The following PSPC1 variants were observed in gnomAD, a reference collection of about 807,000 sequenced individuals.
The protein encoded by PSPC1 is paraspeckle protein 1.
A neutral mutation model predicts 51.6 loss-of-function variants in PSPC1; 14 were observed. The ratio of observed to expected loss-of-function variants is 0.27; its 90% CI spans 0.18 to 0.42. PSPC1 has a LOEUF of 0.42. PSPC1 is among the 10% of genes least tolerant of loss of function. PSPC1 has a pLI of 1.00. For missense variants in PSPC1, 406 were observed against 701.1 expected, an observed-to-expected ratio of 0.58 and a Z score of 4.75; for synonymous variants, 193 against 231.9, an observed-to-expected ratio of 0.83 and a Z score of 1.53.
intron 6 of PSPC1, among the ~76,000 whole-genome samples, chr13:19,684,234 A>G (rs569919024): frequency 4.6e-5 from 7 of 152,342 alleles, no homozygotes; most frequent in African/African-American, 1.7e-4. Flanking sequence ...AGAAAAAACA[A>G]AACAAAAACA....
At chr13:19,717,083 T>C (rs1315779621) in intron 6 of PSPC1, among the ~76,000 whole-genome samples, 1 of 151,346 alleles carries the variant, frequency 6.6e-6, no homozygotes, top group Admixed American at 6.6e-5. Flanking sequence ...AAGAAAATCG[T>C]TAGGAGCCAG....
intron 6 of PSPC1, among the ~76,000 whole-genome samples, chr13:19,682,486 C>CAAAAAAAAAAA (rs138769031): frequency 1.0e-5 from 1 of 98,630 alleles, no homozygotes; most frequent in Non-Finnish European, 2.0e-5. Flanking sequence ...GGCTGAATGG[C>CAAAAAAAAAAA]AAAAAAAAAA....
At chr13:19,740,717 G>C (rs1439634779) in intron 5 of PSPC1, among the ~76,000 whole-genome samples, 1 of 152,082 alleles carries the variant, frequency 6.6e-6, no homozygotes, top group Non-Finnish European at 1.5e-5. Context: ...CAGGCACAAG[G>C]TGAGCTATCA....
chr13:19,692,225 G>A (rs1257116688), intron 6 of PSPC1, among the ~76,000 whole-genome samples: 1 of 152,124 alleles, frequency 6.6e-6, no homozygotes, highest in Non-Finnish European at 1.5e-5. Context: ...CCAGGTTCAA[G>A]CGATTCTCCT....
At chr13:19,751,228 A>G (rs757205912) in intron 4 of PSPC1, 43 bp downstream of exon 4, 29 of 1,235,100 alleles carry the variant, frequency 2.3e-5, no homozygotes, top group African/African-American at 4.6e-5. Context: ...CACTTAAGGG[A>G]AAAAAAAAAT....
intron 7 of PSPC1, among the ~76,000 whole-genome samples, chr13:19,706,268 TGA>T (rs1318965273): frequency 6.6e-6 from 1 of 151,952 alleles, no homozygotes; most frequent in Non-Finnish European, 1.5e-5. Flanking sequence ...TGCTAAGTTG[TGA>T]GAGAGGAAAT....
intron 6 of PSPC1, among the ~76,000 whole-genome samples, chr13:19,717,332 G>A (rs1439212529): frequency 6.6e-6 from 1 of 151,970 alleles, no homozygotes; most frequent in Non-Finnish European, 1.5e-5. Context: ...ATGGGAGGCT[G>A]AGGCAGGCAG....
intron 1 of PSPC1, among the ~76,000 whole-genome samples, chr13:19,774,471 C>T (rs913091778): frequency 2.0e-5 from 3 of 152,120 alleles, no homozygotes; most frequent in African/African-American, 2.4e-5. Flanking sequence ...ATATAGTCAT[C>T]CCTCTGTATC....
At position 19,727,937 on chromosome 13, in the gene PSPC1, T is replaced by G. The variant is rs566267262; in HGVS notation, c.1158+2302A>C. Among the ~76,000 whole-genome samples the G allele has an allele frequency of 2.0e-5, 3 of 152,340 alleles. No homozygotes were observed. In the South Asian group the frequency reaches 6.2e-4, roughly 32 times the overall value. On this transcript the variant is annotated intron_variant, in intron 6 of 8. Coordinates refer to ENST00000338910, the MANE Select transcript of PSPC1 (RefSeq NM_001354909.2). ...TGTATACATTCTTAAGGCAGTTGAA[T>G]GTTATCCTAAATGAGTAAAAAATGT...
intron 6 of PSPC1, among the ~76,000 whole-genome samples, chr13:19,684,245 G>T (rs1163762872): frequency 6.6e-6 from 1 of 152,072 alleles, no homozygotes; most frequent in Non-Finnish European, 1.5e-5. Context: ...AACAAAAACA[G>T]TCAAGAAAAA....
intron 7 of PSPC1, among the ~76,000 whole-genome samples, chr13:19,677,345 T>C (rs1026890784): frequency 1.3e-5 from 2 of 152,328 alleles, no homozygotes; most frequent in South Asian, 2.1e-4. Flanking sequence ...AGACCTTTTT[T>C]TTCTCTCTCC....
chr13:19,717,476 C>T (rs889635823), intron 6 of PSPC1, among the ~76,000 whole-genome samples: 1 of 151,774 alleles, frequency 6.6e-6, no homozygotes. Context: ...GAGGCCGAAG[C>T]GGGCAGATCA....
chr13:19,694,048 G>A (rs1000129313), intron 6 of PSPC1, among the ~76,000 whole-genome samples: 23 of 141,842 alleles, frequency 1.6e-4, no homozygotes, highest in African/African-American at 3.6e-4. Context: ...GCGTGAACCC[G>A]GGAGGCGGAG....
exon 8 of PSPC1, chr13:19,674,823 C>CTTCTT (rs201851298): frequency 6.6e-6 from 1 of 152,226 alleles, no homozygotes; most frequent in African/African-American, 2.4e-5. Context: ...AAGTTTTAGA[C>CTTCTT]TTATCCCAAA....
chr13:19,694,930 AG>A (rs1359191822), intron 6 of PSPC1, among the ~76,000 whole-genome samples: 7 of 152,240 alleles, frequency 4.6e-5, no homozygotes, highest in African/African-American at 1.7e-4. Flanking sequence ...CTACATGGTA[AG>A]ATATTATTTG....
intron 5 of PSPC1, among the ~76,000 whole-genome samples, chr13:19,738,532 C>T (rs1439078928): frequency 6.6e-6 from 1 of 152,206 alleles, no homozygotes; most frequent in Non-Finnish European, 1.5e-5. Context: ...CTCCTACACA[C>T]TTAAAAGCAT....
chr13:19,696,312 A>G (rs1228800100), intron 6 of PSPC1, among the ~76,000 whole-genome samples: 2 of 152,164 alleles, frequency 1.3e-5, no homozygotes, highest in South Asian at 2.1e-4. Flanking sequence ...ATCAAAGTCA[A>G]TGTTATAGAA....
intron 6 of PSPC1, among the ~76,000 whole-genome samples, chr13:19,697,166 T>A (rs1025072895): frequency 5.9e-5 from 9 of 151,924 alleles, no homozygotes; most frequent in Non-Finnish European, 1.2e-4. Flanking sequence ...CTCAAAGGGG[T>A]TCTTACCAAC....
rs190032120 is a variant in PSPC1 at position 19,725,099 on chromosome 13, C to T, written c.1158+5140G>A. ...GGCTGAGGCAGGAGAAACACTTGCA[C>T]CTGGGAGGCAGAGGTTGCAGTGAGC... On this transcript the variant is annotated intron_variant, in intron 6 of 8. Coordinates refer to ENST00000338910, the MANE Select transcript of PSPC1 (RefSeq NM_001354909.2). Among the ~76,000 whole-genome samples, 649 of 152,270 alleles carry T rather than the reference C, an allele frequency of 4.3e-3. 12 individuals carry two copies. In the South Asian group the frequency reaches 0.053, roughly 12 times the overall value.
Sources: gnomAD v4.1 joint callset for allele counts (sites outside exome capture counted in the v4.1 genomes callset) on GRCh38, gnomAD v4.1.1 for gene constraint, MANE v1.5 for transcripts, NCBI Gene and HGNC (gene_info 2026-07-23, HGNC 2026-07-21) for gene names.